MYO1H: variants seen among roughly 807,000 people sequenced by gnomAD.
MYO1H encodes unconventional myosin-Ih.
A neutral mutation model predicts 149.3 loss-of-function variants in MYO1H; 118 were observed. That is an observed-to-expected ratio of 0.79 (90% confidence interval 0.68 to 0.92). The LOEUF is 0.92. MYO1H is among the 40% of genes least tolerant of loss of function. The pLI is 0.00. For synonymous variants in MYO1H, 447 were observed against 465.2 expected, an observed-to-expected ratio of 0.96 and a Z score of 0.50; for missense variants, 1,212 against 1,280.7, an observed-to-expected ratio of 0.95 and a Z score of 0.82.
chr12:109,422,267 G>GT (rs1349069329), intron 16 of MYO1H, among the ~76,000 whole-genome samples: 3 of 152,198 alleles, frequency 2.0e-5, no homozygotes, highest in African/African-American at 4.8e-5. Flanking sequence ...CCTCAGGAGT[G>GT]TTTTTTCTGC....
chr12:109,406,048 T>C lies in MYO1H; in HGVS notation c.963+13T>C. The C allele has an allele frequency of 6.3e-7, 1 of 1,580,720 alleles. No homozygotes were observed. Among genetic ancestry groups the C allele is most frequent in the Non-Finnish European group, 8.7e-7 (1 of 1,150,102 alleles). ...GTGGATAGCCAAGGTGATGCTCCTCTTTTGGAGAGGACAGAAGGAGGGGGA... is the reference window on the plus strand; with the variant it reads ...GTGGATAGCCAAGGTGATGCTCCTCCTTTGGAGAGGACAGAAGGAGGGGGA... On this transcript the variant is annotated intron_variant, in intron 8 of 31. Coordinates refer to ENST00000310903, the Ensembl canonical transcript of MYO1H.
intron 1 of MYO1H, among the ~76,000 whole-genome samples, chr12:109,376,460 C>T (rs184125737): frequency 4.5e-4 from 69 of 152,280 alleles, no homozygotes; most frequent in African/African-American, 1.6e-3. Context: ...GTCTTTAATC[C>T]ACTGAAAATT....
At chr12:109,427,354 T>C in intron 18 of MYO1H, 115 bp from the exon 19 acceptor site, 1 of 584,272 alleles carries the variant, frequency 1.7e-6, no homozygotes, top group South Asian at 2.2e-5. Flanking sequence ...CCTCACGAAA[T>C]GAGTCTGGGG....
chr12:109,394,305 A>G (rs1232976831), intron 3 of MYO1H, among the ~76,000 whole-genome samples: 1 of 152,242 alleles, frequency 6.6e-6, no homozygotes, highest in Non-Finnish European at 1.5e-5. Context: ...AGTTAATTAA[A>G]AGGGACTGAA....
chr12:109,427,361 G>T, intron 18 of MYO1H, 108 bp from the exon 19 acceptor site: 1 of 697,358 alleles, frequency 1.4e-6, no homozygotes, highest in Non-Finnish European at 2.6e-6. Flanking sequence ...AAATGAGTCT[G>T]GGGCCAGACC....
At chr12:109,325,448 G>T in the MYO1H span, among the ~76,000 whole-genome samples, 12 of 152,116 alleles carry the variant, frequency 7.9e-5, no homozygotes, top group Non-Finnish European at 1.8e-4. Context: ...GATGATTAAA[G>T]ACTTAAGTGT....
At chr12:109,440,585 G>T in intron 24 of MYO1H, 159 bp from the exon 25 acceptor site, 2 of 608,068 alleles carry the variant, frequency 3.3e-6, no homozygotes, top group Non-Finnish European at 2.9e-6. Context: ...GTTGGGAGAG[G>T]ATCAGGTTAG....
intron 19 of MYO1H, among the ~76,000 whole-genome samples, chr12:109,430,729 C>T (rs1298262451): frequency 2.6e-5 from 4 of 152,062 alleles, no homozygotes; most frequent in East Asian, 1.9e-4. Flanking sequence ...AGCTTGAAAC[C>T]AGCCTGGCCA....
the MYO1H span, among the ~76,000 whole-genome samples, chr12:109,315,925 T>C: frequency 6.6e-6 from 1 of 152,254 alleles, no homozygotes; most frequent in Non-Finnish European, 1.5e-5. Context: ...CTAAGTTCTA[T>C]ACATCTCGTT....
intron 17 of MYO1H, 22 bp downstream of exon 17, chr12:109,424,850 G>A (rs757368916): frequency 6.2e-7 from 1 of 1,604,566 alleles, no homozygotes; most frequent in East Asian, 2.2e-5. Flanking sequence ...AAACACCCAT[G>A]CAAAATTGGA....
chr12:109,369,889 C>T (rs1313869854), intron 1 of MYO1H, among the ~76,000 whole-genome samples: 1 of 152,174 alleles, frequency 6.6e-6, no homozygotes, highest in African/African-American at 2.4e-5. Context: ...AACGGACTCA[C>T]AGTTCCACAT....
At chr12:109,421,301 G>A (rs1052479296) in intron 16 of MYO1H, among the ~76,000 whole-genome samples, 5 of 152,124 alleles carry the variant, frequency 3.3e-5, no homozygotes, top group African/African-American at 7.2e-5. Flanking sequence ...TCTTATTCTC[G>A]TGGGGCTTAC....
intron 1 of MYO1H, among the ~76,000 whole-genome samples, chr12:109,378,068 C>A (rs964772689): frequency 1.3e-5 from 2 of 152,272 alleles, no homozygotes; most frequent in Middle Eastern, 3.4e-3. Context: ...TTTAAAATAA[C>A]AGCTTTATTG....
intron 1 of MYO1H, among the ~76,000 whole-genome samples, chr12:109,367,805 G>A (rs1381715477): frequency 3.3e-5 from 5 of 152,048 alleles, no homozygotes; most frequent in Non-Finnish European, 4.4e-5. Flanking sequence ...GCTCGCCTCC[G>A]CCTCCCAAAG....
chr12:109,443,009 A>AAAAATATATAT (rs1371725807), intron 27 of MYO1H, among the ~76,000 whole-genome samples: 1 of 58,492 alleles, frequency 1.7e-5, no homozygotes, highest in Admixed American at 1.5e-4. Context: ...AAAAAAAAAA[A>AAAAATATATAT]ATATATATAT....
intron 1 of MYO1H, among the ~76,000 whole-genome samples, chr12:109,367,123 A>G (rs1868881380): frequency 6.6e-6 from 1 of 152,234 alleles, no homozygotes; most frequent in Non-Finnish European, 1.5e-5. Context: ...ACTCACTTTT[A>G]CATAGTTACC....
At chr12:109,427,895 AAAAAAAAAAAAAAAATAT>A (rs1270582725) in intron 19 of MYO1H, among the ~76,000 whole-genome samples, 2 of 51,652 alleles carry the variant, frequency 3.9e-5, no homozygotes, top group African/African-American at 1.8e-4. Context: ...AAAAAAAAAA[AAAAAAAAAAAAAAAATAT>A]ATATATATAT....
At chr12:109,384,317 A>G (rs535560032) in intron 1 of MYO1H, among the ~76,000 whole-genome samples, 2 of 152,336 alleles carry the variant, frequency 1.3e-5, no homozygotes, top group African/African-American at 4.8e-5. Context: ...TTATCACCCC[A>G]AAGATGGAGT....
chr12:109,404,663 C>G (rs935432910), intron 7 of MYO1H, among the ~76,000 whole-genome samples: 3 of 152,096 alleles, frequency 2.0e-5, no homozygotes, highest in Admixed American at 2.0e-4. Context: ...TCTGGCAACT[C>G]TAAGTTTTCC....
Sources: allele counts gnomAD v4.1 joint callset (sites outside exome capture counted in the v4.1 genomes callset), GRCh38; gene constraint gnomAD v4.1.1; transcripts MANE v1.5; gene names NCBI Gene and HGNC (gene_info 2026-07-23, HGNC 2026-07-21).